Variants in ADARB1 observed in about 807,000 individuals in gnomAD.
The protein encoded by ADARB1 is adenosine deaminase RNA specific B1.
A neutral mutation model predicts 52.4 loss-of-function variants in ADARB1; 10 were observed. The observed-to-expected ratio is 0.19, with a 90% CI of 0.12 to 0.32. The LOEUF is 0.32. ADARB1 is among the 10% of genes least tolerant of loss of function. The probability of loss-of-function intolerance (pLI) is 1.00; values close to 1 mark genes in which losing one functional copy is unlikely to be tolerated. For synonymous variants in ADARB1, 349 were observed against 371.1 expected (o/e 0.94, Z 0.68); for missense variants, 643 against 922.3 (o/e 0.70, Z 3.92).
chr21:45,159,346 G>GA (rs1227416974), intron 2 of ADARB1, among the ~76,000 whole-genome samples: 1 of 152,178 alleles, frequency 6.6e-6, no homozygotes, highest in Non-Finnish European at 1.5e-5. Context: ...CTGCACCTGT[G>GA]ATTCAATTAT....
chr21:45,189,525 T>G (rs112773745), intron 8 of ADARB1, among the ~76,000 whole-genome samples: 5 of 152,166 alleles, frequency 3.3e-5, no homozygotes, highest in African/African-American at 1.2e-4. Context: ...TGCCTCCCTT[T>G]ACAGGAGAAC....
At chr21:45,123,182 G>A (rs887750815) in intron 1 of ADARB1, among the ~76,000 whole-genome samples, 9 of 152,080 alleles carry the variant, frequency 5.9e-5, no homozygotes, top group African/African-American at 2.2e-4. Flanking sequence ...TCTCACCCAG[G>A]TTAAATAGAC....
At chr21:45,090,007 C>T (rs754034445) in intron 1 of ADARB1, among the ~76,000 whole-genome samples, 4 of 152,144 alleles carry the variant, frequency 2.6e-5, no homozygotes, top group African/African-American at 7.2e-5. Context: ...TTGTCTTTGA[C>T]GTGAATGCTT....
intron 1 of ADARB1, among the ~76,000 whole-genome samples, chr21:45,106,212 C>G (rs1399064374): frequency 6.9e-6 from 1 of 145,068 alleles, no homozygotes; most frequent in Non-Finnish European, 1.5e-5. Context: ...TTTATAGGTC[C>G]TTTCTCTACT....
In ADARB1 at chr21:45,105,891, G is replaced by T. The variant is rs145343728; in HGVS notation, c.-219-22511G>T. 2.4e-4 allele frequency among the ~76,000 whole-genome samples: 36 copies of T among 152,296 alleles called. No homozygotes were observed. The Middle Eastern group carries it at 0.01, about 43-fold the overall frequency. On this transcript the variant is annotated intron_variant, in intron 1 of 10. Coordinates refer to ENST00000348831, the MANE Select transcript of ADARB1 (RefSeq NM_001112.4). The stretch of plus-strand genomic sequence containing the variant: ...TTGTTGAGTGAGTTCTTTTTTTATA[G>T]TGTACCCATGTCTAGGAATTTTGGC...
At position 45,180,401 on chromosome 21, in the gene ADARB1, T is replaced by C; in HGVS notation, c.1035T>C (p.Pro345=). The C allele has an allele frequency of 1.9e-6, 3 of 1,614,134 alleles. No homozygotes were observed. In the African/African-American group the frequency reaches 4.0e-5, roughly 22 times the overall value. ...FGDLTDNFSS[P]HARRKVLAGV... is the part of the protein sequence containing the mutation. The stretch of plus-strand genomic sequence containing the variant: ...ACCTGACCGACAACTTCTCCTCCCC[T>C]CACGCTCGCAGAAAAGTGCTGGCTG... The change falls in exon 5 of 11, where the codon CCT becomes CCC. Residue 345 remains proline, a synonymous_variant. Transcript: ENST00000348831.
At chr21:45,199,463 A>G (rs2146315875) in intron 8 of ADARB1, among the ~76,000 whole-genome samples, 1 of 152,336 alleles carries the variant, frequency 6.6e-6, no homozygotes, top group East Asian at 1.9e-4. Flanking sequence ...GGCTGCAGCC[A>G]GCAGTCTGTG....
chr21:45,084,841 T>A (rs2086278099), intron 1 of ADARB1, among the ~76,000 whole-genome samples: 1 of 152,168 alleles, frequency 6.6e-6, no homozygotes, highest in Non-Finnish European at 1.5e-5. Context: ...GGGCACAAGG[T>A]GTCCAACCCA....
chr21:45,209,531 G>A (rs2146384419), intron 9 of ADARB1, among the ~76,000 whole-genome samples: 1 of 152,320 alleles, frequency 6.6e-6, no homozygotes, highest in Non-Finnish European at 1.5e-5. Flanking sequence ...CAGGTGGACT[G>A]GGGACTGTGG....
intron 2 of ADARB1, among the ~76,000 whole-genome samples, chr21:45,164,146 G>A (rs1271553301): frequency 8.5e-5 from 13 of 152,182 alleles, no homozygotes; most frequent in African/African-American, 2.2e-4. Flanking sequence ...CCACTGCCAC[G>A]TCGCAGGCAC....
chr21:45,136,112 G>A (rs1337935575), intron 2 of ADARB1, among the ~76,000 whole-genome samples: 1 of 152,098 alleles, frequency 6.6e-6, no homozygotes, highest in Non-Finnish European at 1.5e-5. Context: ...TAAAACCAGG[G>A]GAAGGAGTGG....
chr21:45,165,093 C>A (rs2091192020), intron 2 of ADARB1, among the ~76,000 whole-genome samples: 1 of 152,184 alleles, frequency 6.6e-6, no homozygotes, highest in South Asian at 2.1e-4. Flanking sequence ...CCCCGCCCAG[C>A]CACCCTAGAG....
At position 45,225,600 on chromosome 21, in the gene ADARB1, G is replaced by T; in HGVS notation, c.*3403G>T. 7.6e-7 allele frequency: 1 copy of T among 1,317,872 alleles called. No individual in the cohort carries two copies. The highest frequency in any genetic ancestry group is 9.8e-7 in the Non-Finnish European group (1 of 1,021,116). 81.6% of individuals were successfully genotyped at this position (1,317,872 alleles called of 1,614,324 possible). On this transcript the variant is annotated 3_prime_UTR_variant, in exon 11 of 11. Transcript: ENST00000348831. ...TCACATTGTGCACAGATCTGAGGATGGGATTAGCGAAGCTGTGGAGACTGC... is the reference window on the plus strand; with the variant it reads ...TCACATTGTGCACAGATCTGAGGATTGGATTAGCGAAGCTGTGGAGACTGC...
intron 2 of ADARB1, among the ~76,000 whole-genome samples, chr21:45,131,717 G>T (rs2088948945): frequency 6.6e-6 from 1 of 152,252 alleles, no homozygotes; most frequent in African/African-American, 2.4e-5. Flanking sequence ...AAGTGAGGAG[G>T]GGCATGGAGC....
At chr21:45,077,900 T>G (rs12483115) in intron 1 of ADARB1, among the ~76,000 whole-genome samples, 21,901 of 152,248 alleles carry the variant, frequency 0.14, 1,802 homozygotes, top group African/African-American at 0.21. Flanking sequence ...TCTTTCCAAG[T>G]TGACAGCTTT....
At chr21:45,111,193 G>A (rs1030906091) in intron 1 of ADARB1, among the ~76,000 whole-genome samples, 5 of 152,336 alleles carry the variant, frequency 3.3e-5, no homozygotes, top group East Asian at 1.9e-4. Flanking sequence ...TCCTGTTGGC[G>A]TGGGTGCCTG....
intron 9 of ADARB1, among the ~76,000 whole-genome samples, chr21:45,207,758 C>T (rs772196968): frequency 8.6e-5 from 13 of 152,038 alleles, no homozygotes; most frequent in South Asian, 2.1e-4. Context: ...AAAAAGAGAG[C>T]GCGGTATGAC....
intron 2 of ADARB1, chr21:45,133,632 TGAGAA>T (rs2089095642): frequency 7.9e-6 from 2 of 252,290 alleles, no homozygotes; most frequent in Non-Finnish European, 7.9e-6. Context: ...CTGCACTGAC[TGAGAA>T]AAGAATTTGT....
intron 1 of ADARB1, among the ~76,000 whole-genome samples, chr21:45,084,257 C>G (rs1386192339): frequency 6.6e-6 from 1 of 152,232 alleles, no homozygotes; most frequent in Non-Finnish European, 1.5e-5. Context: ...AAATACTCAT[C>G]ATAGAACCTA....
Sources: gnomAD v4.1 joint callset for allele counts (sites outside exome capture counted in the v4.1 genomes callset) on GRCh38, gnomAD v4.1.1 for gene constraint, MANE v1.5 for transcripts, NCBI Gene and HGNC (gene_info 2026-07-23, HGNC 2026-07-21) for gene names.